CECR2: variants seen among roughly 807,000 people sequenced by gnomAD.
CECR2 encodes chromatin remodeling regulator CECR2.
Under a neutral mutation model 154.5 loss-of-function variants are expected in CECR2, and 30 were observed. The ratio of observed to expected loss-of-function variants is 0.19; its 90% CI spans 0.15 to 0.26. CECR2 has a LOEUF of 0.26. Among genes scored for constraint, CECR2 ranks in the 10% least tolerant of loss-of-function variants. The pLI is 1.00. For missense variants in CECR2, 1,743 were observed against 1,829.3 expected (o/e 0.95, Z 0.86); for synonymous variants, 725 against 683.7 (o/e 1.06, Z -0.94).
intron 9 of CECR2, among the ~76,000 whole-genome samples, chr22:17,529,990 C>T (rs149586819): frequency 6.6e-6 from 1 of 152,064 alleles, no homozygotes; most frequent in African/African-American, 2.4e-5. Context: ...ACATTCTAAG[C>T]GGATTTTATT....
At chr22:17,459,416 C>T (rs115921732) in intron 1 of CECR2, among the ~76,000 whole-genome samples, 1,782 of 152,226 alleles carry the variant, frequency 0.012, 30 homozygotes, top group African/African-American at 0.039. Context: ...CTCAGCCACC[C>T]GAGTAGCTGG....
At chr22:17,512,146 C>T (rs994263273) in intron 8 of CECR2, among the ~76,000 whole-genome samples, 37 of 152,072 alleles carry the variant, frequency 2.4e-4, no homozygotes, top group African/African-American at 8.9e-4. Flanking sequence ...ATACGTACTG[C>T]AATAGGTGCA....
chr22:17,372,327 AATTTT>A (rs1260144231), intron 1 of CECR2, among the ~76,000 whole-genome samples: 1 of 152,168 alleles, frequency 6.6e-6, no homozygotes, highest in Non-Finnish European at 1.5e-5. Flanking sequence ...CAAAAATTAG[AATTTT>A]ATTGGGAATG....
intron 1 of CECR2, among the ~76,000 whole-genome samples, chr22:17,414,109 A>G (rs576480801): frequency 6.6e-6 from 1 of 151,758 alleles, no homozygotes; most frequent in Non-Finnish European, 1.5e-5. Flanking sequence ...AGTAGCTGGG[A>G]CTACAGGTGC....
intron 2 of CECR2, among the ~76,000 whole-genome samples, chr22:17,494,148 C>T (rs1273623209): frequency 2.0e-5 from 3 of 152,252 alleles, no homozygotes; most frequent in African/African-American, 4.8e-5. Flanking sequence ...CAGGCTGGAG[C>T]GCAATGGCGC....
chr22:17,540,844 G>C (rs2056512753), intron 14 of CECR2, 44 bp downstream of exon 14: 1 of 1,498,766 alleles, frequency 6.7e-7, no homozygotes, highest in East Asian at 2.3e-5. Flanking sequence ...CCTAGTTTGT[G>C]AGTTCATAGT....
intron 1 of CECR2, among the ~76,000 whole-genome samples, chr22:17,427,941 C>A (rs2518743): frequency 0.035 from 5,301 of 152,280 alleles, 114 homozygotes; most frequent in Middle Eastern, 0.078. Context: ...ACACTCCCAC[C>A]AATGGTGTAA....
At chr22:17,394,136 C>G (rs2053771740) in intron 1 of CECR2, among the ~76,000 whole-genome samples, 1 of 151,024 alleles carries the variant, frequency 6.6e-6, no homozygotes, top group Non-Finnish European at 1.5e-5. Context: ...ATCCACCTGC[C>G]TCAGCCTCCC....
intron 16 of CECR2, among the ~76,000 whole-genome samples, chr22:17,547,038 CAAAAAAA>C (rs1167599171): frequency 9.3e-5 from 5 of 53,824 alleles, no homozygotes; most frequent in Admixed American, 2.1e-4. Context: ...GACTCTGCCT[CAAAAAAA>C]AAAAAAAAAA....
At chr22:17,450,800 C>T (rs1395583093) in intron 1 of CECR2, among the ~76,000 whole-genome samples, 1 of 152,164 alleles carries the variant, frequency 6.6e-6, no homozygotes. Context: ...CTTAGTCTTC[C>T]TAGCTTTCTG....
intron 1 of CECR2, among the ~76,000 whole-genome samples, chr22:17,362,088 G>C (rs1477899368): frequency 1.3e-5 from 2 of 152,176 alleles, no homozygotes; most frequent in East Asian, 3.9e-4. Context: ...TGTCGCCCAG[G>C]CTGGAGTGCA....
intron 1 of CECR2, among the ~76,000 whole-genome samples, chr22:17,403,225 C>T (rs2053924083): frequency 6.6e-6 from 1 of 152,180 alleles, no homozygotes; most frequent in Non-Finnish European, 1.5e-5. Flanking sequence ...ATTGGAAATT[C>T]TTTCAGGTTG....
intron 1 of CECR2, among the ~76,000 whole-genome samples, chr22:17,469,071 T>C (rs921627904): frequency 6.0e-4 from 90 of 148,772 alleles, no homozygotes; most frequent in Non-Finnish European, 2.2e-4. Context: ...TGTTAGTGAT[T>C]ATACAGAAAA....
At chr22:17,528,216 T>C (rs888552674) in intron 9 of CECR2, among the ~76,000 whole-genome samples, 1 of 152,208 alleles carries the variant, frequency 6.6e-6, no homozygotes, top group African/African-American at 2.4e-5. Context: ...AAGGGAGTAC[T>C]ATTCAGCCAT....
intron 1 of CECR2, chr22:17,418,643 C>A (rs1034702001): frequency 1.5e-4 from 36 of 235,290 alleles, no homozygotes; most frequent in Non-Finnish European, 2.0e-4. Flanking sequence ...AGGTCAGTCT[C>A]GCTGTGTGCC....
intron 17 of CECR2, among the ~76,000 whole-genome samples, chr22:17,550,873 C>T (rs1254502548): frequency 3.3e-5 from 5 of 151,798 alleles, no homozygotes; most frequent in East Asian, 3.9e-4. Context: ...ACCTGGGAGG[C>T]GGAGCTTGCA....
At chr22:17,471,780 C>T (rs2055131541) in intron 1 of CECR2, among the ~76,000 whole-genome samples, 1 of 152,100 alleles carries the variant, frequency 6.6e-6, no homozygotes, top group Non-Finnish European at 1.5e-5. Flanking sequence ...GGTGATCCAC[C>T]TGCCTCAGCC....
At chr22:17,537,310 A>C in intron 10 of CECR2, 78 bp downstream of exon 10, 1 of 1,542,298 alleles carries the variant, frequency 6.5e-7, no homozygotes, top group Non-Finnish European at 8.9e-7. Context: ...GCCCCATGTC[A>C]TCCTTAGAAC....
At chr22:17,528,561 A>T (rs2056302852) in intron 9 of CECR2, among the ~76,000 whole-genome samples, 1 of 151,926 alleles carries the variant, frequency 6.6e-6, no homozygotes, top group African/African-American at 2.4e-5. Flanking sequence ...TTTGAGACAG[A>T]GTCTCACTCT....
Sources: gnomAD v4.1 joint callset for allele counts (sites outside exome capture counted in the v4.1 genomes callset) on GRCh38, gnomAD v4.1.1 for gene constraint, MANE v1.5 for transcripts, NCBI Gene and HGNC (gene_info 2026-07-23, HGNC 2026-07-21) for gene names.